Variants in TSPEAR observed in about 807,000 individuals in gnomAD.
TSPEAR encodes thrombospondin-type laminin G domain and EAR repeat-containing protein.
A neutral mutation model predicts 71.6 loss-of-function variants in TSPEAR; 69 were observed. That is an observed-to-expected ratio of 0.96 (90% CI 0.79 to 1.18). TSPEAR has a LOEUF of 1.18. Ranked by LOEUF, TSPEAR falls within the 50% of genes most tolerant of loss-of-function variation. The pLI is 0.00. For synonymous variants in TSPEAR, 402 were observed against 387.2 expected, an observed-to-expected ratio of 1.04 and a Z score of -0.45; for missense variants, 971 against 894.9, an observed-to-expected ratio of 1.09 and a Z score of -1.09.
chr21:44,503,480 G>A (rs2052098666), intron 11 of TSPEAR, among the ~76,000 whole-genome samples: 1 of 140,026 alleles, frequency 7.1e-6, no homozygotes, highest in Non-Finnish European at 1.5e-5. Context: ...GCCCTCGGGG[G>A]GAAGAAAGGC....
chr21:44,545,807 AT>A (rs2053295395), intron 2 of TSPEAR, among the ~76,000 whole-genome samples: 1 of 152,194 alleles, frequency 6.6e-6, no homozygotes, highest in Non-Finnish European at 1.5e-5. Context: ...TTAAAAAAAA[AT>A]AAAGATCTCA....
At chr21:44,601,591 C>G in intron 1 of TSPEAR, 4 of 1,613,576 alleles carry the variant, frequency 2.5e-6, no homozygotes, top group Non-Finnish European at 3.4e-6. Context: ...CTGCTGCGTG[C>G]CCGTCCCCTC....
chr21:44,508,896 C>T (rs1555912232), intron 10 of TSPEAR: 1 of 1,474,026 alleles, frequency 6.8e-7, no homozygotes, highest in African/African-American at 1.4e-5. Flanking sequence ...GGGCATGAAG[C>T]CCCCTCCTGC....
rs1432611831 is a variant in TSPEAR, at chr21:44,498,355, A to C, written c.*1428T>G. On this transcript the variant is annotated 3_prime_UTR_variant, in exon 12 of 12. Coordinates refer to ENST00000323084, the MANE Select transcript of TSPEAR (RefSeq NM_144991.3). ...GGGACCTTCTGAGTGACTTGGTGGA[A>C]AGCAGGGCCCAACCCTCCTGCCCAG... is the stretch of plus-strand genomic sequence containing the variant. The C allele has an allele frequency of 6.6e-6, 1 of 152,186 alleles. No individual in the cohort carries two copies. Among genetic ancestry groups the C allele is most frequent in the African/African-American group, 2.4e-5 (1 of 41,426 alleles). 9.4% of individuals were successfully genotyped at this position (152,186 alleles called of 1,614,324 possible). A position where few individuals can be genotyped will look rare whatever the true frequency, so the allele number is the denominator to read the frequency against.
chr21:44,699,018 T>C (rs1455469285), intron 1 of TSPEAR, among the ~76,000 whole-genome samples: 3 of 151,874 alleles, frequency 2.0e-5, no homozygotes, highest in Non-Finnish European at 2.9e-5. Flanking sequence ...CTGGCCAACA[T>C]AGTGAGACCT....
Position 44,509,293 on chromosome 21 carries a change from C to T in TSPEAR, c.1660G>A (p.Val554Ile). ...TTGATGACATAGGAATCATTCTGGA[C>T]TTGCATCTCCACATCGTAGCTGTGA... Reference protein sequence around the residue: ...NSHSYDVEMQVQNDSYVINSV... With the variant: ...NSHSYDVEMQIQNDSYVINSV... Residue 554 changes from valine to isoleucine, a missense_variant, in exon 10 of 12, where the codon GTC becomes ATC. Val to Ile is a conservative substitution (Grantham distance 29). Transcript: ENST00000323084. 6.2e-7 allele frequency: 1 copy of T among 1,614,138 alleles called. No individual in the cohort carries two copies. Among genetic ancestry groups the T allele is most frequent in the Non-Finnish European group, 8.5e-7 (1 of 1,180,028 alleles).
chr21:44,676,877 G>A, intron 1 of TSPEAR: 1 of 905,898 alleles, frequency 1.1e-6, no homozygotes, highest in African/African-American at 1.6e-5. Context: ...GTGGCCTTCT[G>A]TTCTGCTAGC....
chr21:44,502,961 A>G (rs1601313851), intron 11 of TSPEAR, among the ~76,000 whole-genome samples: 1 of 58,030 alleles, frequency 1.7e-5, no homozygotes, highest in African/African-American at 4.9e-5. Context: ...AGGCTCTGGG[A>G]GGAAGCTGGC....
At position 44,612,427 on chromosome 21, in the gene TSPEAR, C is replaced by T. The variant is rs367832442; in HGVS notation, c.83-44422G>A. 6.2e-6 allele frequency: 10 copies of T among 1,614,024 alleles called. No homozygotes were observed. Among genetic ancestry groups the T allele is most frequent in the African/African-American group, 1.3e-5 (1 of 74,924 alleles). On this transcript the variant is annotated intron_variant, in intron 1 of 11. Transcript: ENST00000323084. The surrounding 1 kb of genome is among the most constrained non-coding windows in gnomAD (Gnocchi z 4.1). ...AGTCTAGCTGCCAGCCGGCTTGCTG[C>T]ACCTCCTCCCCCTGCCAACAGGCCT... is the stretch of plus-strand genomic sequence containing the variant.
At chr21:44,518,781 C>A in intron 9 of TSPEAR, 1 of 443,242 alleles carries the variant, frequency 2.3e-6, no homozygotes. Flanking sequence ...GTTTCAAATC[C>A]CTTCCTGGTT....
intron 1 of TSPEAR, among the ~76,000 whole-genome samples, chr21:44,590,416 C>G (rs1458137337): frequency 1.6e-4 from 24 of 152,044 alleles, no homozygotes; most frequent in African/African-American, 4.3e-4. Flanking sequence ...CAGGAGGGAG[C>G]CAGGACCCTG....
chr21:44,528,038 C>T (rs1217590206), intron 6 of TSPEAR, among the ~76,000 whole-genome samples: 2 of 152,080 alleles, frequency 1.3e-5, no homozygotes, highest in Non-Finnish European at 2.9e-5. Context: ...CCGGGCCACC[C>T]TACCAAGGAG....
chr21:44,551,158 C>T (rs782183041), intron 2 of TSPEAR: 49 of 1,564,162 alleles, frequency 3.1e-5, no homozygotes, highest in South Asian at 9.1e-5. Flanking sequence ...CAGACGGGCA[C>T]GCAGCAGGCC....
At position 44,609,171 on chromosome 21, in the gene TSPEAR, C is replaced by T. The variant is rs587601140; in HGVS notation, c.83-41166G>A. Among the ~76,000 whole-genome samples, 6 of 152,244 alleles carry T rather than the reference C, an allele frequency of 3.9e-5. No individual in the cohort carries two copies. The South Asian group carries it at 1.2e-3, about 32-fold the overall frequency. Reference sequence around the variant, plus strand: ...ATGAGGAGAGAAGGTAGAACAGCAACTAATACTTAGGGAGGAGGGACTAAC... The same window carrying T: ...ATGAGGAGAGAAGGTAGAACAGCAATTAATACTTAGGGAGGAGGGACTAAC... On this transcript the variant is annotated intron_variant, in intron 1 of 11. Transcript: ENST00000323084.
intron 1 of TSPEAR, among the ~76,000 whole-genome samples, chr21:44,616,103 C>T (rs952522555): frequency 6.6e-5 from 10 of 152,036 alleles, no homozygotes; most frequent in East Asian, 1.9e-4. Context: ...AGCGTGTCGG[C>T]GGGCACCTCC....
rs371779535 is a variant in TSPEAR at position 44,706,375 on chromosome 21, G to T, written c.82+5058C>A. 2.0e-5 allele frequency among the ~76,000 whole-genome samples: 3 copies of T among 148,488 alleles called. 1 individual carries two copies. On this transcript the variant is annotated intron_variant, in intron 1 of 11. Transcript: ENST00000323084. Reference sequence around the variant, plus strand: ...CGCACCCACTTGCACGCCCATGCACGCACACACGCGCGTGCACCCATGCGC... The same window carrying T: ...CGCACCCACTTGCACGCCCATGCACTCACACACGCGCGTGCACCCATGCGC...
At chr21:44,688,992 C>T (rs1425018125) in intron 1 of TSPEAR, among the ~76,000 whole-genome samples, 1 of 152,142 alleles carries the variant, frequency 6.6e-6, no homozygotes, top group Non-Finnish European at 1.5e-5. Context: ...ATGGATGGAC[C>T]TGCGCCCCGA....
intron 9 of TSPEAR, among the ~76,000 whole-genome samples, chr21:44,511,766 G>A (rs927428849): frequency 9.2e-5 from 14 of 152,262 alleles, no homozygotes; most frequent in African/African-American, 2.4e-5. Flanking sequence ...GACTGCCGGG[G>A]CCAGAACAGC....
At chr21:44,597,849 G>A (rs1426654395) in intron 1 of TSPEAR, among the ~76,000 whole-genome samples, 3 of 152,096 alleles carry the variant, frequency 2.0e-5, no homozygotes, top group African/African-American at 4.8e-5. Flanking sequence ...ATTGACTGAT[G>A]ATTTAGTTTA....
Sources: gnomAD v4.1 joint callset for allele counts (sites outside exome capture counted in the v4.1 genomes callset) on GRCh38, gnomAD v4.1.1 for gene constraint, Gnocchi (gnomAD v3.1) non-coding constraint, MANE v1.5 for transcripts, NCBI Gene and HGNC (gene_info 2026-07-23, HGNC 2026-07-21) for gene names.